The following CFAP46 variants were observed in gnomAD, a reference collection of about 807,000 sequenced individuals.
CFAP46 encodes the protein cilia- and flagella-associated protein 46.
In CFAP46, 245 loss-of-function variants were observed where a neutral mutation model predicts 325.7. The ratio of observed to expected loss-of-function variants is 0.75; its 90% confidence interval spans 0.68 to 0.84. The LOEUF is 0.84. CFAP46 is among the 40% of genes least tolerant of loss of function. CFAP46 has a pLI of 0.00. For synonymous variants in CFAP46, 1,523 were observed against 1,495.9 expected (o/e 1.02, Z -0.42); for missense variants, 3,346 against 3,543.0 (o/e 0.94, Z 1.41).
chr10:132,935,405 C>T (rs1849979635), intron 7 of CFAP46, among the ~76,000 whole-genome samples: 1 of 145,004 alleles, frequency 6.9e-6, no homozygotes, highest in South Asian at 2.1e-4. Context: ...CCCTCAGCAC[C>T]CAAACACACT....
At chr10:132,908,732 G>A (rs1042616004) in intron 21 of CFAP46, 98 bp from the exon 22 acceptor site, 1 of 1,392,402 alleles carries the variant, frequency 7.2e-7, no homozygotes, top group African/African-American at 1.5e-5. Context: ...GTGATCCTAA[G>A]CAGAGGCGTG....
Position 132,912,809 on chromosome 10 carries a change from A to G in CFAP46, c.2345T>C (p.Met782Thr). The G allele has an allele frequency of 6.5e-7, 1 of 1,549,032 alleles. No homozygotes were observed. Among genetic ancestry groups the G allele is most frequent in the South Asian group, 1.2e-5 (1 of 84,024 alleles). ...KATGHSGDPVMLVTLCNTLAR... is the reference protein window; with the variant it reads ...KATGHSGDPVTLVTLCNTLAR... ...CAAGGTGTTGCAGAGCGTCACCAGC[A>G]TCACGGGGTCCCTGGGAGACATGCT... The change falls in exon 19 of 58, where the codon ATG (methionine) becomes ACG (threonine). Residue 782 changes from methionine to threonine, a missense_variant. Transcript: ENST00000368586.
intron 50 of CFAP46, among the ~76,000 whole-genome samples, chr10:132,822,793 GTGTGTGTGCTGATGTGTGCTGTGTGC>G (rs1847901321): frequency 7.5e-6 from 1 of 133,176 alleles, no homozygotes; most frequent in Non-Finnish European, 1.6e-5. Context: ...TGTGTGTGCT[GTGTGTGTGCTGATGTGTGCTGTGTGC>G]TGTGTGTGCT....
intron 13 of CFAP46, among the ~76,000 whole-genome samples, chr10:132,921,440 T>A (rs1381099457): frequency 6.6e-6 from 1 of 152,216 alleles, no homozygotes; most frequent in East Asian, 1.9e-4. Flanking sequence ...ACATGGGCCG[T>A]ACGGCCCCGT....
Position 132,918,598 on chromosome 10 carries a change from T to G in CFAP46, c.1859-78A>C. On this transcript the variant is annotated intron_variant, in intron 15 of 57. Coordinates refer to ENST00000368586, the MANE Select transcript of CFAP46 (RefSeq NM_001200049.3). ...AAAACACAAGAATTCCTGAACCATC[T>G]TGGAGTGCCTGAGCCTCTCCCCAGC... The G allele has an allele frequency of 2.1e-6, 3 of 1,454,608 alleles. No homozygotes were observed. In the South Asian group the frequency reaches 4.2e-5, roughly 20 times the overall value. 90.1% of individuals were successfully genotyped at this position (1,454,608 alleles called of 1,614,324 possible). A position where few individuals can be genotyped will look rare whatever the true frequency, so the allele number is the denominator to read the frequency against.
rs1434808466 is a variant in CFAP46 at position 132,877,612 on chromosome 10, A to G, written c.4212+269T>C. 1.3e-5 allele frequency among the ~76,000 whole-genome samples: 2 copies of G among 152,030 alleles called. No homozygotes were observed. The highest frequency in any genetic ancestry group is 6.5e-5 in the Admixed American group (1 of 15,280). Reference sequence around the variant, plus strand: ...TGCCAGGGACAAGCCAGGGTGCTTTACAGACATTCCCCTGTATTGTCCTCC... The same window carrying G: ...TGCCAGGGACAAGCCAGGGTGCTTTGCAGACATTCCCCTGTATTGTCCTCC... On this transcript the variant is annotated intron_variant, in intron 30 of 57. Transcript: ENST00000368586. This position sits in a 1 kb window ranked among gnomAD's most constrained non-coding sequence, Gnocchi z 5.7.
At position 132,911,920 on chromosome 10, in the gene CFAP46, C is replaced by T. The variant is rs78909250; in HGVS notation, c.2499+735G>A. 6.2e-3 allele frequency among the ~76,000 whole-genome samples: 950 copies of T among 152,250 alleles called. 11 individuals are homozygous for T. Among genetic ancestry groups the T allele is most frequent in the Non-Finnish European group, 9.3e-3 (631 of 68,010 alleles). On this transcript the variant is annotated intron_variant, in intron 19 of 57. Transcript: ENST00000368586. ...CCCACGGGTCTTGTTTTCCTCTCTC[C>T]AGCCCTGGCCTTATTTCCCAGTAAC...
intron 23 of CFAP46, 130 bp from the exon 24 acceptor site, chr10:132,899,251 G>T (rs979451805): frequency 1.9e-5 from 21 of 1,086,092 alleles, no homozygotes; most frequent in Non-Finnish European, 2.7e-5. Context: ...CATGTGGCTT[G>T]CTCAGGAGTC....
chr10:132,868,458 T>C (rs1848849999), intron 33 of CFAP46, among the ~76,000 whole-genome samples: 1 of 149,282 alleles, frequency 6.7e-6, no homozygotes, highest in African/African-American at 2.4e-5. Flanking sequence ...GCTGCACAGA[T>C]AACTCACGGT....
At chr10:132,861,666 A>C (rs941329903) in intron 35 of CFAP46, among the ~76,000 whole-genome samples, 5 of 152,214 alleles carry the variant, frequency 3.3e-5, no homozygotes, top group Non-Finnish European at 7.3e-5. Context: ...TGCTGGTCAG[A>C]GGGTGAGGAG....
intron 34 of CFAP46, among the ~76,000 whole-genome samples, chr10:132,866,673 G>A (rs1024639215): frequency 1.3e-5 from 2 of 152,170 alleles, no homozygotes; most frequent in Non-Finnish European, 2.9e-5. Context: ...CCCGGCCTGG[G>A]GCGGTGGCTG....
intron 7 of CFAP46, among the ~76,000 whole-genome samples, chr10:132,936,334 T>C (rs1591101732): frequency 2.5e-5 from 1 of 39,568 alleles, no homozygotes; most frequent in Non-Finnish European, 4.6e-5. Flanking sequence ...TCCCCTCACA[T>C]CCAAACACAC....
chr10:132,885,978 G>A lies in CFAP46; in HGVS notation c.3305-19C>T, dbSNP rs1333956718. 8 of 1,548,144 alleles carry A rather than the reference G, an allele frequency of 5.2e-6. No homozygotes were observed. Among genetic ancestry groups the A allele is most frequent in the Non-Finnish European group, 7.0e-6 (8 of 1,145,474 alleles). The stretch of plus-strand genomic sequence containing the variant: ...TCAGCCCCTGGGAGGGAGAAGGAGG[G>A]GTGTCCTTGGAGCCGCCTGATCCCT... On this transcript the variant is annotated intron_variant, in intron 25 of 57. Coordinates refer to ENST00000368586, the MANE Select transcript of CFAP46 (RefSeq NM_001200049.3).
chr10:132,845,645 C>T (rs66878685), intron 44 of CFAP46, among the ~76,000 whole-genome samples: 24,551 of 152,310 alleles, frequency 0.16, 3,050 homozygotes, highest in African/African-American at 0.35. Context: ...CTGTCCTGCT[C>T]CACAGACATG....
chr10:132,899,549 G>T lies in CFAP46; in HGVS notation c.3042C>A (p.Phe1014Leu). The T allele has an allele frequency of 6.5e-7, 1 of 1,548,662 alleles. No homozygotes were observed. Among genetic ancestry groups the T allele is most frequent in the Non-Finnish European group, 8.7e-7 (1 of 1,146,666 alleles). ...GAGCCACACACCTGGCGCTCTCCGT[G>T]AAGGCCTTGGCTGCCACCAGTCGCA... Reference protein sequence around the residue: ...KQLRLVAAKAFTESARFGGIA... With the variant: ...KQLRLVAAKALTESARFGGIA... Residue 1014 changes from phenylalanine to leucine, a missense_variant, in exon 23 of 58, where the codon TTC becomes TTA. Coordinates refer to ENST00000368586, the MANE Select transcript of CFAP46 (RefSeq NM_001200049.3).
At chr10:132,900,451 G>A (rs1303033143) in intron 22 of CFAP46, among the ~76,000 whole-genome samples, 1 of 152,284 alleles carries the variant, frequency 6.6e-6, no homozygotes, top group Admixed American at 6.5e-5. Context: ...TCAGCTCAGA[G>A]GAGGCACCAG....
rs1427019727 is a variant in CFAP46, at chr10:132,929,530, A to G, written c.966+175T>C. 8.9e-6 allele frequency: 7 copies of G among 788,982 alleles called. No homozygotes were observed. In the Admixed American group the frequency reaches 1.2e-4, roughly 13 times the overall value. 48.9% of individuals were successfully genotyped at this position (788,982 alleles called of 1,614,324 possible). A position where few individuals can be genotyped will look rare whatever the true frequency, so the allele number is the denominator to read the frequency against. ...AACGGGCAGGTGTAAAATTGCAAAC[A>G]CCATCTAACTGCAACTGTGCAAAAC... On this transcript the variant is annotated intron_variant, in intron 9 of 57. Transcript: ENST00000368586.
At chr10:132,822,819 C>A (rs28970836) in intron 50 of CFAP46, among the ~76,000 whole-genome samples, 1,086 of 47,560 alleles carry the variant, frequency 0.023, no homozygotes, top group Middle Eastern at 0.05. Context: ...GTGCTGTGTG[C>A]TGTGTGTGCT....
intron 40 of CFAP46, among the ~76,000 whole-genome samples, 174 bp from the exon 41 acceptor site, chr10:132,850,606 A>G (rs1848522352): frequency 6.6e-6 from 1 of 152,160 alleles, no homozygotes; most frequent in African/African-American, 2.4e-5. Context: ...GGGGTCACAG[A>G]CGTCTGCTCA....
Sources: allele counts gnomAD v4.1 joint callset (sites outside exome capture counted in the v4.1 genomes callset), GRCh38; gene constraint gnomAD v4.1.1; non-coding constraint Gnocchi (gnomAD v3.1); transcripts MANE v1.5; gene names NCBI Gene and HGNC (gene_info 2026-07-23, HGNC 2026-07-21).